The following PAH variants were observed in gnomAD, a reference collection of about 807,000 sequenced individuals.
PAH encodes the protein phenylalanine hydroxylase.
Under a neutral mutation model 62.0 loss-of-function variants are expected in PAH, and 64 were observed. The ratio of observed to expected loss-of-function variants is 1.03; its 90% confidence interval spans 0.84 to 1.27. PAH has a LOEUF of 1.27. Ranked by LOEUF, PAH falls within the 50% of genes most tolerant of loss-of-function variation. The pLI is 0.00. For missense variants in PAH, 579 were observed against 542.8 expected (o/e 1.07, Z -0.66); for synonymous variants, 195 against 196.2 (o/e 0.99, Z 0.05).
At chr12:102,925,608 C>A (rs115324248) in intron 1 of PAH, among the ~76,000 whole-genome samples, 3,819 of 152,188 alleles carry the variant, frequency 0.025, 68 homozygotes, top group African/African-American at 0.041. Context: ...ATTGCAGACA[C>A]AAAGGAGACT....
Position 102,838,084 on chromosome 12 carries a change from T to A in PAH, c.*1091A>T, listed in dbSNP as rs1443118139. 1 of 151,992 alleles carries A rather than the reference T, an allele frequency of 6.6e-6. No homozygotes were observed. The highest frequency in any genetic ancestry group is 1.5e-5 in the Non-Finnish European group (1 of 68,010). The allele number at this position is 151,992 out of a possible 1,614,324, so 9.4% of individuals were successfully genotyped here. A position where few individuals can be genotyped will look rare whatever the true frequency, so the allele number is the denominator to read the frequency against. On this transcript the variant is annotated 3_prime_UTR_variant, in exon 13 of 13. Transcript: ENST00000553106. ...TCAAATCATAGCTACAAAGATATTGTTTTTTTTCTCCCCACTGCTTCTCAG... is the reference window on the plus strand; with the variant it reads ...TCAAATCATAGCTACAAAGATATTGATTTTTTTCTCCCCACTGCTTCTCAG...
At position 102,868,180 on chromosome 12, in the gene PAH, A is replaced by G. The variant is rs11837660; in HGVS notation, c.442-1517T>C. ...CACATATATATACATATATGTGTATATATATATATATATATATATATATAT... is the reference window on the plus strand; with the variant it reads ...CACATATATATACATATATGTGTATGTATATATATATATATATATATATAT... On this transcript the variant is annotated intron_variant, in intron 4 of 12. Transcript: ENST00000553106. 7.9e-4 allele frequency among the ~76,000 whole-genome samples: 10 copies of G among 12,644 alleles called. 1 individual carries two copies. Among genetic ancestry groups the G allele is most frequent in the African/African-American group, 5.4e-3 (7 of 1,286 alleles). 8.3% of individuals were successfully genotyped at this position (12,644 alleles called of 152,430 possible).
intron 3 of PAH, among the ~76,000 whole-genome samples, chr12:102,886,917 G>C (rs994681527): frequency 3.9e-5 from 6 of 152,160 alleles, no homozygotes; most frequent in African/African-American, 7.2e-5. Flanking sequence ...TGAATTAGGA[G>C]ATAGATGTGA....
At chr12:102,847,299 G>A in intron 8 of PAH, 1 of 342,132 alleles carries the variant, frequency 2.9e-6, no homozygotes, top group Non-Finnish European at 5.6e-6. Flanking sequence ...GAATATTCCT[G>A]GAATGTTAAA....
chr12:102,886,240 T>C (rs1326770390), intron 3 of PAH: 4 of 152,274 alleles, frequency 2.6e-5, no homozygotes, highest in African/African-American at 9.6e-5. Flanking sequence ...GCATCTGTTC[T>C]CTCTGTTCAC....
intron 11 of PAH, 126 bp downstream of exon 11, chr12:102,843,520 G>T (rs1022623409): frequency 7.2e-6 from 7 of 967,390 alleles, no homozygotes; most frequent in Admixed American, 1.9e-5. Context: ...ACATGGGAGA[G>T]AAACTGTCTA....
rs564066394 is a variant in PAH at position 102,915,684 on chromosome 12, T to G, written c.60+1387A>C. On this transcript the variant is annotated intron_variant, in intron 1 of 12. Transcript: ENST00000553106. ...TCTTGACTCCAAAATTACAGGTGATTCCTTCTTATAATGCAGTTCCCTGGG... is the reference window on the plus strand; with the variant it reads ...TCTTGACTCCAAAATTACAGGTGATGCCTTCTTATAATGCAGTTCCCTGGG... Among the ~76,000 whole-genome samples the G allele has an allele frequency of 2.0e-5, 3 of 152,292 alleles. No homozygotes were observed. In the South Asian group the frequency reaches 6.2e-4, roughly 32 times the overall value.
chr12:102,917,584 G>A, upstream of PAH: 1 of 227,882 alleles, frequency 4.4e-6, no homozygotes. Flanking sequence ...TGAATAATCC[G>A]CCCCCCTTAC....
At chr12:102,880,600 A>G (rs1447596854) in intron 3 of PAH, among the ~76,000 whole-genome samples, 1 of 152,096 alleles carries the variant, frequency 6.6e-6, no homozygotes, top group Non-Finnish European at 1.5e-5. Context: ...TCTTGCTGCA[A>G]CCCCTTCTTA....
upstream of PAH, among the ~76,000 whole-genome samples, chr12:102,919,371 A>G (rs1310718095): frequency 1.3e-5 from 2 of 152,228 alleles, no homozygotes; most frequent in African/African-American, 4.8e-5. Flanking sequence ...TGATACAGGC[A>G]TGCAATGTGT....
chr12:102,939,531 G>T (rs528552634), intron 1 of PAH, among the ~76,000 whole-genome samples: 23 of 152,080 alleles, frequency 1.5e-4, no homozygotes, highest in Non-Finnish European at 2.9e-4. Flanking sequence ...CATGGTACCT[G>T]CCCTTGCTGC....
At chr12:102,870,883 A>C (rs929878803) in intron 4 of PAH, among the ~76,000 whole-genome samples, 18 of 152,348 alleles carry the variant, frequency 1.2e-4, no homozygotes, top group Admixed American at 3.3e-4. Flanking sequence ...TTGGCCAAGA[A>C]GCCTATTCTG....
Position 102,839,106 on chromosome 12 carries a change from C to T in PAH, c.*69G>A. 6.8e-7 allele frequency: 1 copy of T among 1,471,470 alleles called. No individual in the cohort carries two copies. 91.2% of individuals were successfully genotyped at this position (1,471,470 alleles called of 1,614,324 possible). On this transcript the variant is annotated 3_prime_UTR_variant, in exon 13 of 13. Transcript: ENST00000553106. ...TTAAGGTTTGCTTTTCGGACTTTTTCTGATGAAAGAAATAGTTGGATCTCC... is the reference window on the plus strand; with the variant it reads ...TTAAGGTTTGCTTTTCGGACTTTTTTTGATGAAAGAAATAGTTGGATCTCC...
chr12:102,918,405 G>A (rs963619241), upstream of PAH, among the ~76,000 whole-genome samples: 18 of 151,994 alleles, frequency 1.2e-4, no homozygotes, highest in African/African-American at 4.4e-4. Context: ...GTTGCTGGAA[G>A]CCCATCCCTC....
chr12:102,891,481 T>C (rs1877271730), intron 3 of PAH, among the ~76,000 whole-genome samples: 1 of 152,218 alleles, frequency 6.6e-6, no homozygotes, highest in African/African-American at 2.4e-5. Context: ...TGCATTTTGG[T>C]CGCTCTTGTG....
rs187868692 is a variant in PAH, at chr12:102,957,341, C to T, written c.-96+854G>A. 6.6e-6 allele frequency among the ~76,000 whole-genome samples: 1 copy of T among 152,162 alleles called. No individual in the cohort carries two copies. The highest frequency in any genetic ancestry group is 1.5e-5 in the Non-Finnish European group (1 of 68,038). On this transcript the variant is annotated intron_variant, in intron 1 of 4. Coordinates refer to the PAH transcript ENST00000551337. The surrounding 1 kb of genome is among the most constrained non-coding windows in gnomAD (Gnocchi z 4.1). ...TTGTCCCTCCTGTGACGCCCCCCAC[C>T]CCCTTCCTAAAGCCACCCCCGGCAG...
chr12:102,921,637 C>A (rs1234300852), upstream of PAH, among the ~76,000 whole-genome samples: 1 of 152,208 alleles, frequency 6.6e-6, no homozygotes, highest in Non-Finnish European at 1.5e-5. Flanking sequence ...TCTCTAGCAT[C>A]TAGATCTATC....
At chr12:102,942,242 G>T (rs1879321279) in intron 1 of PAH, among the ~76,000 whole-genome samples, 1 of 152,076 alleles carries the variant, frequency 6.6e-6, no homozygotes, top group Admixed American at 6.6e-5. Context: ...AAAAATCAAT[G>T]TATAAAAATT....
chr12:102,850,112 T>C (rs1236787253), intron 8 of PAH, among the ~76,000 whole-genome samples: 1 of 152,212 alleles, frequency 6.6e-6, no homozygotes, highest in Non-Finnish European at 1.5e-5. Context: ...TGATTGTTTT[T>C]TGGCCACAGT....
Sources: allele counts gnomAD v4.1 joint callset (sites outside exome capture counted in the v4.1 genomes callset), GRCh38; gene constraint gnomAD v4.1.1; non-coding constraint Gnocchi (gnomAD v3.1); transcripts MANE v1.5; gene names NCBI Gene and HGNC (gene_info 2026-07-23, HGNC 2026-07-21).